Variants in SGMS2 observed in about 807,000 individuals in gnomAD.
SGMS2 encodes sphingomyelin synthase 2, also known as phosphatidylcholine:ceramide cholinephosphotransferase 2.
In SGMS2, 21 loss-of-function variants were observed where a neutral mutation model predicts 43.8. The observed-to-expected ratio is 0.48, with a 90% CI of 0.34 to 0.69. The LOEUF is 0.69. Ranked by LOEUF, SGMS2 falls within the 30% of genes least tolerant of loss-of-function variation. The pLI, the probability that SGMS2 is intolerant of heterozygous loss-of-function variation, is 0.01. For missense variants in SGMS2, 384 were observed against 443.2 expected (o/e 0.87, Z 1.20); for synonymous variants, 167 against 160.6 (o/e 1.04, Z -0.30).
chr4:107,877,635 G>A (rs1468080809), intron 2 of SGMS2, among the ~76,000 whole-genome samples: 1 of 152,170 alleles, frequency 6.6e-6, no homozygotes, highest in Non-Finnish European at 1.5e-5. Context: ...TATCTTGTAC[G>A]AAATGATTCT....
At chr4:107,824,758 C>A (rs1355594153), upstream of SGMS2, 3 of 152,262 alleles carry the variant, frequency 2.0e-5, no homozygotes, top group Non-Finnish European at 2.9e-5. Flanking sequence ...AGAGCCACGG[C>A]AGCAGGAACG....
intron 2 of SGMS2, among the ~76,000 whole-genome samples, chr4:107,892,002 C>T (rs1250525287): frequency 6.6e-6 from 1 of 151,544 alleles, no homozygotes; most frequent in Non-Finnish European, 1.5e-5. Flanking sequence ...CTTCATTAGA[C>T]AAAAGAAGTT....
chr4:107,884,783 T>C (rs974476237), intron 2 of SGMS2, among the ~76,000 whole-genome samples: 2 of 152,182 alleles, frequency 1.3e-5, no homozygotes, highest in Non-Finnish European at 2.9e-5. Flanking sequence ...CATATGTTGA[T>C]TGATGTCTCA....
rs747627709 is a variant in SGMS2 at position 107,903,349 on chromosome 4, G to A, written c.690G>A (p.Thr230=). Residue 230 remains threonine, a synonymous_variant, in exon 5 of 7, where the codon ACG becomes ACA. Coordinates refer to ENST00000690982, the MANE Select transcript of SGMS2 (RefSeq NM_001375905.1). The part of the protein sequence containing the change: ...LCGDFLFSGH[T]VTLTLTYLFI... ...GAGACTTCCTCTTCAGCGGTCACAC[G>A]GTTACGCTGACACTGACTTATTTGT... 31 of 1,613,806 alleles carry A rather than the reference G, an allele frequency of 1.9e-5. No individual in the cohort carries two copies. Among genetic ancestry groups the A allele is most frequent in the Non-Finnish European group, 2.0e-5 (24 of 1,179,896 alleles).
chr4:107,906,194 A>G (rs1731553125), intron 5 of SGMS2, among the ~76,000 whole-genome samples: 1 of 152,060 alleles, frequency 6.6e-6, no homozygotes, highest in South Asian at 2.1e-4. Flanking sequence ...TCATTTATAT[A>G]TATATTTTTT....
chr4:107,891,997 T>G (rs2126112388), intron 2 of SGMS2, among the ~76,000 whole-genome samples: 1 of 152,074 alleles, frequency 6.6e-6, no homozygotes, highest in African/African-American at 2.4e-5. Context: ...CTGCTCTTCA[T>G]TAGACAAAAG....
rs1405786612 is a variant in SGMS2 at position 107,856,353 on chromosome 4, T to G, written c.-326-2119T>G. On this transcript the variant is annotated intron_variant, in intron 1 of 6. Coordinates refer to ENST00000690982, the MANE Select transcript of SGMS2 (RefSeq NM_001375905.1). ...TAGTAAGCTTGAATTTGTTTTGCAT[T>G]TCCAGTATCTACCCTTTTGCCCATT... 2.0e-5 allele frequency among the ~76,000 whole-genome samples: 3 copies of G among 152,218 alleles called. No homozygotes were observed. The East Asian group carries it at 5.8e-4, about 29-fold the overall frequency.
intron 3 of SGMS2, 59 bp from the exon 4 acceptor site, chr4:107,899,516 C>A: frequency 1.8e-6 from 2 of 1,133,780 alleles, no homozygotes; most frequent in South Asian, 1.4e-5. Flanking sequence ...TTTTATTTTT[C>A]ATTAGGAGTA....
rs148712227 is a variant in SGMS2 at position 107,909,785 on chromosome 4, G to A, written c.895-565G>A. Among the ~76,000 whole-genome samples, 828 of 152,274 alleles carry A rather than the reference G, an allele frequency of 5.4e-3. 6 individuals are homozygous for A. The highest frequency in any genetic ancestry group is 0.019 in the African/African-American group (790 of 41,534). ...GCCATATTGTCAATTTGGAGAATTTGTGAGCAATTGAAATATTACATTTCC... is the reference window on the plus strand; with the variant it reads ...GCCATATTGTCAATTTGGAGAATTTATGAGCAATTGAAATATTACATTTCC... On this transcript the variant is annotated intron_variant, in intron 6 of 6. Transcript: ENST00000690982.
intron 1 of SGMS2, among the ~76,000 whole-genome samples, chr4:107,852,746 A>ATTTTTTTTTTTTT (rs56359938): frequency 6.8e-6 from 1 of 146,660 alleles, no homozygotes. Flanking sequence ...CTTGTTTCTC[A>ATTTTTTTTTTTTT]TTTTTTTTTT....
chr4:107,883,198 T>G (rs1206076646), intron 2 of SGMS2, among the ~76,000 whole-genome samples: 1 of 152,226 alleles, frequency 6.6e-6, no homozygotes, highest in Non-Finnish European at 1.5e-5. Flanking sequence ...CACCTTTTTC[T>G]GTAGCCATAA....
intron 4 of SGMS2, 35 bp from the exon 5 acceptor site, chr4:107,903,198 G>A: frequency 6.2e-7 from 1 of 1,609,700 alleles, no homozygotes; most frequent in Non-Finnish European, 8.5e-7. Flanking sequence ...TTAGCCACTT[G>A]TAAATTCCCT....
chr4:107,869,032 A>G (rs1043411167), intron 2 of SGMS2, among the ~76,000 whole-genome samples: 5 of 152,356 alleles, frequency 3.3e-5, no homozygotes, highest in Admixed American at 1.3e-4. Flanking sequence ...GAAGTAAAGA[A>G]TAGTAGCCAT....
Position 107,910,466 on chromosome 4 carries a change from G to A in SGMS2, c.1011G>A (p.Leu337=), listed in dbSNP as rs1188453067. 7 of 1,614,020 alleles carry A rather than the reference G, an allele frequency of 4.3e-6. No individual in the cohort carries two copies. In the South Asian group the frequency reaches 7.7e-5, roughly 18 times the overall value. Reference sequence around the variant, plus strand: ...TTCCTTGCTGCTTCTCCTGGCCGCTGTCTTGGCCTCCTGGCTGCTTCAAAT... The same window carrying A: ...TTCCTTGCTGCTTCTCCTGGCCGCTATCTTGGCCTCCTGGCTGCTTCAAAT... The part of the protein sequence containing the change: ...GSIPCCFSWP[L]SWPPGCFKSS... Residue 337 remains leucine, a synonymous_variant, in exon 7 of 7, where the codon CTG becomes CTA. Coordinates refer to ENST00000690982, the MANE Select transcript of SGMS2 (RefSeq NM_001375905.1).
chr4:107,905,978 AAT>A (rs1731526012), intron 5 of SGMS2, among the ~76,000 whole-genome samples: 1 of 152,222 alleles, frequency 6.6e-6, no homozygotes, highest in South Asian at 2.1e-4. Context: ...TTTGATTAGA[AAT>A]AGAGGGACAA....
intron 1 of SGMS2, among the ~76,000 whole-genome samples, chr4:107,847,607 G>A (rs1451129103): frequency 1.3e-5 from 2 of 151,916 alleles, no homozygotes; most frequent in Non-Finnish European, 2.9e-5. Context: ...GCTGTTTTTT[G>A]GTTCCATATG....
At chr4:107,840,799 G>T (rs1200408044) in intron 1 of SGMS2, among the ~76,000 whole-genome samples, 1 of 152,156 alleles carries the variant, frequency 6.6e-6, no homozygotes, top group African/African-American at 2.4e-5. Flanking sequence ...TTGTAAAAGT[G>T]AGTAAGAGTT....
intron 1 of SGMS2, among the ~76,000 whole-genome samples, chr4:107,850,905 CCTT>C (rs1480007501): frequency 6.6e-6 from 1 of 152,168 alleles, no homozygotes; most frequent in Admixed American, 6.5e-5. Flanking sequence ...AGTTGCAAAA[CCTT>C]CTACGAGTGT....
At chr4:107,865,190 A>G (rs1728026201) in intron 2 of SGMS2, among the ~76,000 whole-genome samples, 1 of 152,256 alleles carries the variant, frequency 6.6e-6, no homozygotes, top group South Asian at 2.1e-4. Flanking sequence ...GTTCTAAGAC[A>G]TAATCAGCTG....
Sources: gnomAD v4.1 joint callset for allele counts (sites outside exome capture counted in the v4.1 genomes callset) on GRCh38, gnomAD v4.1.1 for gene constraint, MANE v1.5 for transcripts, NCBI Gene and HGNC (gene_info 2026-07-23, HGNC 2026-07-21) for gene names.